The following LRRTM4 variants were observed in gnomAD, a reference collection of about 807,000 sequenced individuals.
LRRTM4 encodes the protein leucine-rich repeat transmembrane neuronal protein 4.
In LRRTM4, 25 loss-of-function variants were observed where a neutral mutation model predicts 47.6. The observed-to-expected ratio is 0.53, with a 90% CI of 0.38 to 0.73. The LOEUF (loss-of-function observed/expected upper bound fraction) is 0.73. LRRTM4 is among the 30% of genes least tolerant of loss of function. LRRTM4 has a pLI of 0.00. For synonymous variants in LRRTM4, 311 were observed against 269.5 expected (o/e 1.15, Z -1.51); for missense variants, 638 against 713.4 (o/e 0.89, Z 1.20).
chr2:76,931,539 C>T (rs1337477054), intron 3 of LRRTM4, among the ~76,000 whole-genome samples: 2 of 152,114 alleles, frequency 1.3e-5, no homozygotes, highest in African/African-American at 4.8e-5. Flanking sequence ...CTCTCTCCAC[C>T]ACTTTCATCA....
At chr2:77,113,668 T>A (rs1187628612) in intron 3 of LRRTM4, among the ~76,000 whole-genome samples, 1 of 151,820 alleles carries the variant, frequency 6.6e-6, no homozygotes, top group Non-Finnish European at 1.5e-5. Flanking sequence ...GAGGCAGAAG[T>A]GCACTGGTGA....
chr2:77,268,253 C>T (rs1237490193), intron 3 of LRRTM4, among the ~76,000 whole-genome samples: 2 of 151,570 alleles, frequency 1.3e-5, no homozygotes, highest in African/African-American at 4.9e-5. Flanking sequence ...ATCGTATTCC[C>T]CTCCTTCTTT....
At chr2:77,486,479 AAC>A (rs1299096395) in intron 3 of LRRTM4, among the ~76,000 whole-genome samples, 1 of 152,186 alleles carries the variant, frequency 6.6e-6, no homozygotes, top group Non-Finnish European at 1.5e-5. Context: ...ATATTAAGAA[AAC>A]ACACGGCATA....
chr2:76,785,938 C>G (rs1478671425), intron 3 of LRRTM4, among the ~76,000 whole-genome samples: 1 of 152,136 alleles, frequency 6.6e-6, no homozygotes, highest in Non-Finnish European at 1.5e-5. Context: ...GTAGAAATAT[C>G]TGCAGCAAAA....
intron 3 of LRRTM4, among the ~76,000 whole-genome samples, chr2:77,485,879 C>T (rs2104029793): frequency 6.6e-6 from 1 of 151,330 alleles, no homozygotes; most frequent in East Asian, 1.9e-4. Flanking sequence ...TACAGGCATG[C>T]ACCACCACAG....
At chr2:77,130,392 G>A (rs551903492) in intron 3 of LRRTM4, among the ~76,000 whole-genome samples, 3 of 152,098 alleles carry the variant, frequency 2.0e-5, no homozygotes, top group East Asian at 1.9e-4. Context: ...GTGGCAGACA[G>A]CTTTATTTTC....
intron 3 of LRRTM4, among the ~76,000 whole-genome samples, chr2:77,290,132 A>G (rs1466541246): frequency 6.6e-6 from 1 of 151,998 alleles, no homozygotes. Flanking sequence ...TCATGAAACA[A>G]ACTAGATGAA....
At chr2:77,203,597 G>C (rs1558631983) in intron 3 of LRRTM4, among the ~76,000 whole-genome samples, 1 of 152,146 alleles carries the variant, frequency 6.6e-6, no homozygotes, top group Non-Finnish European at 1.5e-5. Context: ...CCATAAGTGT[G>C]TGTTTCTGAT....
At chr2:77,079,832 CTTT>C (rs1229681518) in intron 3 of LRRTM4, among the ~76,000 whole-genome samples, 7 of 151,532 alleles carry the variant, frequency 4.6e-5, no homozygotes, top group Middle Eastern at 3.4e-3. Context: ...TATTCTTTTA[CTTT>C]TTTTTAGTTT....
chr2:76,825,643 A>G (rs531525312), intron 3 of LRRTM4, among the ~76,000 whole-genome samples: 5 of 151,802 alleles, frequency 3.3e-5, no homozygotes, highest in Non-Finnish European at 7.4e-5. Context: ...CAAGTAGACT[A>G]CTGAATATAC....
At chr2:77,027,245 A>G (rs1181982414) in intron 3 of LRRTM4, among the ~76,000 whole-genome samples, 1 of 152,162 alleles carries the variant, frequency 6.6e-6, no homozygotes, top group African/African-American at 2.4e-5. Flanking sequence ...TGTAAGAGCA[A>G]GATTCAATTT....
At chr2:77,225,306 A>G (rs4405789) in intron 3 of LRRTM4, among the ~76,000 whole-genome samples, 28,706 of 150,068 alleles carry the variant, frequency 0.19, 5,239 homozygotes, top group African/African-American at 0.48. Context: ...TGGCACATGT[A>G]TACATATGTA....
intron 3 of LRRTM4, among the ~76,000 whole-genome samples, chr2:77,505,059 TAAAG>T (rs1678716700): frequency 6.6e-6 from 1 of 151,092 alleles, no homozygotes; most frequent in Non-Finnish European, 1.5e-5. Flanking sequence ...ACTCAACTAA[TAAAG>T]AACATAATAT....
intron 3 of LRRTM4, among the ~76,000 whole-genome samples, chr2:77,041,966 G>A (rs1482971903): frequency 1.3e-5 from 2 of 150,888 alleles, no homozygotes; most frequent in Admixed American, 6.7e-5. Context: ...TGCTCATATT[G>A]AGACTAAGGA....
chr2:77,185,253 G>C (rs1173764437), intron 3 of LRRTM4, among the ~76,000 whole-genome samples: 1 of 152,140 alleles, frequency 6.6e-6, no homozygotes, highest in Admixed American at 6.6e-5. Context: ...TGATAAGGGT[G>C]CTGCTCCTGG....
intron 3 of LRRTM4, among the ~76,000 whole-genome samples, chr2:77,085,031 C>G (rs1680664164): frequency 6.6e-6 from 1 of 152,082 alleles, no homozygotes; most frequent in African/African-American, 2.4e-5. Flanking sequence ...TGGATGTCAA[C>G]ATTTCAACTA....
chr2:77,429,808 G>A (rs1054385017), intron 3 of LRRTM4, among the ~76,000 whole-genome samples: 2 of 152,180 alleles, frequency 1.3e-5, no homozygotes, highest in Non-Finnish European at 2.9e-5. Flanking sequence ...TCTCATGCCT[G>A]TAATCACAGC....
chr2:77,339,137 C>T (rs1325549397), intron 3 of LRRTM4, among the ~76,000 whole-genome samples: 1 of 151,788 alleles, frequency 6.6e-6, no homozygotes, highest in Non-Finnish European at 1.5e-5. Flanking sequence ...AAAAAACCTA[C>T]CTTTTGAGTA....
At chr2:77,367,495 G>A (rs187930341) in intron 3 of LRRTM4, among the ~76,000 whole-genome samples, 1 of 151,828 alleles carries the variant, frequency 6.6e-6, no homozygotes, top group East Asian at 1.9e-4. Flanking sequence ...TGTGGAATAG[G>A]TAATTACTAT....
Sources: gnomAD v4.1 joint callset for allele counts (sites outside exome capture counted in the v4.1 genomes callset) on GRCh38, gnomAD v4.1.1 for gene constraint, MANE v1.5 for transcripts, NCBI Gene and HGNC (gene_info 2026-07-23, HGNC 2026-07-21) for gene names.